The following KANK2 variants were observed in gnomAD, a reference collection of about 807,000 sequenced individuals.
KANK2 encodes KN motif and ankyrin repeat domains 2.
In KANK2, 41 loss-of-function variants were observed where a neutral mutation model predicts 74.6. The ratio of observed to expected loss-of-function variants is 0.55; its 90% confidence interval spans 0.43 to 0.71. The LOEUF is 0.71. Among genes scored for constraint, KANK2 ranks in the 30% least tolerant of loss-of-function variants. The pLI is 0.00. For missense variants in KANK2, 1,148 were observed against 1,196.4 expected (o/e 0.96, Z 0.60); for synonymous variants, 537 against 519.0 (o/e 1.03, Z -0.47).
In KANK2 at chr19:11,181,273, G is replaced by A. The variant is rs2078510904; in HGVS notation, c.1250-2553C>T. On this transcript the variant is annotated intron_variant, in intron 4 of 12. Coordinates refer to ENST00000586659, the MANE Select transcript of KANK2 (RefSeq NM_001136191.3). ...ATTATTATTATTATTATTTGATACAGTCTTTCTCCATCGTCCAGGCTGGAG... is the reference window on the plus strand; with the variant it reads ...ATTATTATTATTATTATTTGATACAATCTTTCTCCATCGTCCAGGCTGGAG... Among the ~76,000 whole-genome samples the A allele has an allele frequency of 4.0e-5, 6 of 150,764 alleles. No individual in the cohort carries two copies. The Admixed American group carries it at 4.0e-4, about 10-fold the overall frequency.
chr19:11,169,704 GGCA>G, intron 12 of KANK2, 170 bp downstream of exon 12: 1 of 613,770 alleles, frequency 1.6e-6, no homozygotes. Context: ...AGGAGGCTGA[GGCA>G]GCAGAATGGC....
chr19:11,170,367 T>C lies in KANK2; in HGVS notation c.2212-119A>G. ...ATGGTGAAATGTACCCTCAACTTGC[T>C]GATCTCCTCCTGAATCTCAAACAAC... On this transcript the variant is annotated intron_variant, in intron 10 of 12. Transcript: ENST00000586659. This position sits in a 1 kb window ranked among gnomAD's most constrained non-coding sequence, Gnocchi z 5.2. The C allele has an allele frequency of 1.3e-6, 1 of 741,770 alleles. No homozygotes were observed. The allele number at this position is 741,770 out of a possible 1,614,324, so 45.9% of individuals were successfully genotyped here.
chr19:11,197,850 G>C (rs1001605183), upstream of KANK2: 1 of 151,926 alleles, frequency 6.6e-6, no homozygotes, highest in Non-Finnish European at 1.5e-5. Flanking sequence ...GGAACGGCTC[G>C]GCGGCGGGAG....
chr19:11,173,186 G>A (rs189623046), intron 9 of KANK2, 63 bp from the exon 10 acceptor site: 55 of 1,543,718 alleles, frequency 3.6e-5, no homozygotes, highest in Admixed American at 9.2e-5. Context: ...CCCAAGGAAC[G>A]TGGATACCAC....
rs971214308 is a variant in KANK2, at chr19:11,178,766, A to C, written c.1250-46T>G. 8.8e-6 allele frequency: 13 copies of C among 1,472,696 alleles called. No individual in the cohort carries two copies. The African/African-American group carries it at 1.8e-4, about 20-fold the overall frequency. The allele number at this position is 1,472,696 out of a possible 1,614,324, so 91.2% of individuals were successfully genotyped here. On this transcript the variant is annotated intron_variant, in intron 4 of 12. Coordinates refer to ENST00000586659, the MANE Select transcript of KANK2 (RefSeq NM_001136191.3). ...TGTCTGCTCTTGGTCATAAAAGCCA[A>C]ACCACCACAGCCCTGCGGGTCATAC...
chr19:11,167,521 GC>G (rs760602047), intron 12 of KANK2, among the ~76,000 whole-genome samples: 7 of 150,332 alleles, frequency 4.7e-5, no homozygotes, highest in Non-Finnish European at 7.4e-5. Context: ...GCACCACCAG[GC>G]CCAGCTAATT....
At chr19:11,190,009 G>C (rs1354031017) in intron 4 of KANK2, among the ~76,000 whole-genome samples, 4 of 152,198 alleles carry the variant, frequency 2.6e-5, no homozygotes, top group Non-Finnish European at 4.4e-5. Context: ...CTGCCCTCCA[G>C]CCTGTGCCCT....
At position 11,173,078 on chromosome 19, in the gene KANK2, A is replaced by G. The variant is rs2078224365; in HGVS notation, c.2114T>C (p.Ile705Thr). 2 of 1,614,144 alleles carry G rather than the reference A, an allele frequency of 1.2e-6. No individual in the cohort carries two copies. The highest frequency in any genetic ancestry group is 1.3e-5 in the African/African-American group (1 of 75,050). ...CAGGGTGGCCAGGGCGGTGAGCATAATAGGGCTGTAGCCAGCACGGTTCTG... is the reference window on the plus strand; with the variant it reads ...CAGGGTGGCCAGGGCGGTGAGCATAGTAGGGCTGTAGCCAGCACGGTTCTG... ...DKQNRAGYSP[I>T]MLTALATLKT... Residue 705 changes from isoleucine to threonine, a missense_variant, in exon 10 of 13, where the codon ATT becomes ACT. Ile to Thr is a moderately conservative substitution (Grantham distance 89). Coordinates refer to ENST00000586659, the MANE Select transcript of KANK2 (RefSeq NM_001136191.3).
chr19:11,196,354 A>C (rs1052721476), intron 1 of KANK2: 1 of 152,430 alleles, frequency 6.6e-6, no homozygotes, highest in Non-Finnish European at 1.5e-5. Context: ...CACTGCACCC[A>C]GCCTAACATC....
rs749824166 is a variant in KANK2, at chr19:11,193,540, G to A, written c.540C>T (p.Pro180=). The A allele has an allele frequency of 1.4e-5, 22 of 1,605,656 alleles. No individual in the cohort carries two copies. Among genetic ancestry groups the A allele is most frequent in the Admixed American group, 1.0e-4 (6 of 59,944 alleles). The part of the protein sequence containing the change: ...RSSGLSTPVP[P]SAGHLAHVRE... ...GCACGTGGGCCAGGTGCCCGGCACT[G>A]GGAGGCACCGGTGTGGACAGTCCTG... is the stretch of plus-strand genomic sequence containing the variant. Residue 180 remains proline (P), a synonymous_variant, in exon 4 of 13, where the codon CCC becomes CCT. Transcript: ENST00000586659. The surrounding 1 kb of genome is among the most constrained non-coding windows in gnomAD (Gnocchi z 9.6).
At chr19:11,175,095 C>T (rs1394727378) in intron 8 of KANK2, among the ~76,000 whole-genome samples, 1 of 151,844 alleles carries the variant, frequency 6.6e-6, no homozygotes, top group Non-Finnish European at 1.5e-5. Context: ...GTAGCTGGGA[C>T]CACAGGCGTG....
At chr19:11,168,758 G>A (rs139039754) in intron 12 of KANK2, among the ~76,000 whole-genome samples, 30 of 152,278 alleles carry the variant, frequency 2.0e-4, no homozygotes, top group Middle Eastern at 6.8e-3. Flanking sequence ...GACAGACCCA[G>A]GCGTGAATAC....
intron 1 of KANK2, 144 bp downstream of exon 1, chr19:11,197,341 T>C (rs2079050908): frequency 7.3e-6 from 1 of 137,118 alleles, no homozygotes; most frequent in African/African-American, 2.8e-5. Flanking sequence ...GAAGGTGGAG[T>C]TGGAGGCAGC....
intron 4 of KANK2, among the ~76,000 whole-genome samples, chr19:11,180,327 G>T (rs142939714): frequency 0.014 from 2,192 of 152,080 alleles, 47 homozygotes; most frequent in African/African-American, 0.049. Flanking sequence ...ACTCCAGAGC[G>T]CAAGGGATCC....
At chr19:11,168,005 G>GTTT (rs528176321) in intron 12 of KANK2, among the ~76,000 whole-genome samples, 3 of 115,034 alleles carry the variant, frequency 2.6e-5, no homozygotes, top group African/African-American at 3.1e-5. Flanking sequence ...CCACGTCCTT[G>GTTT]TTTTTTTTTT....
chr19:11,195,610 C>T lies in KANK2; in HGVS notation c.-80+12G>A, dbSNP rs946118171. ...GCTGGGCATGAAGGCAGGGCTGGGG[C>T]TCCAGGGGCACCTGAGCTTGTCCTT... On this transcript the variant is annotated intron_variant, in intron 2 of 12. Transcript: ENST00000586659. The T allele has an allele frequency of 2.0e-5, 3 of 152,510 alleles. No individual in the cohort carries two copies. Among genetic ancestry groups the T allele is most frequent in the Admixed American group, 6.6e-5 (1 of 15,266 alleles). 9.4% of individuals were successfully genotyped at this position (152,510 alleles called of 1,614,324 possible).
chr19:11,169,109 G>A (rs545382204), intron 12 of KANK2, among the ~76,000 whole-genome samples: 28 of 151,838 alleles, frequency 1.8e-4, no homozygotes, highest in East Asian at 1.6e-3. Context: ...AGGCAGAGGC[G>A]GGCAGATCAC....
chr19:11,169,602 A>C, intron 12 of KANK2: 1 of 559,078 alleles, frequency 1.8e-6, no homozygotes, highest in Non-Finnish European at 3.2e-6. Flanking sequence ...GGAGTTTGAG[A>C]CCAGCCTGAC....
intron 8 of KANK2, 76 bp from the exon 9 acceptor site, chr19:11,174,768 C>A: frequency 1.6e-6 from 2 of 1,216,490 alleles, no homozygotes; most frequent in South Asian, 1.3e-5. Flanking sequence ...CAGATGCGCC[C>A]CCGGAGCAAA....
Sources: gnomAD v4.1 joint callset for allele counts (sites outside exome capture counted in the v4.1 genomes callset) on GRCh38, gnomAD v4.1.1 for gene constraint, Gnocchi (gnomAD v3.1) non-coding constraint, MANE v1.5 for transcripts, NCBI Gene and HGNC (gene_info 2026-07-23, HGNC 2026-07-21) for gene names.